FMN2: variants seen among roughly 807,000 people sequenced by gnomAD.
FMN2 encodes formin 2.
Under a neutral mutation model 142.3 loss-of-function variants are expected in FMN2, and 51 were observed. The observed-to-expected ratio is 0.36, with a 90% CI of 0.29 to 0.45. The LOEUF is 0.45. Ranked by LOEUF, FMN2 falls within the 20% of genes least tolerant of loss-of-function variation. The pLI is 1.00. For synonymous variants in FMN2, 882 were observed against 869.8 expected (o/e 1.01, Z -0.25); for missense variants, 1,936 against 2,122.8 (o/e 0.91, Z 1.73).
In FMN2 at chr1:240,159,974, T is replaced by TATATACACAC. The variant is rs1202421069; in HGVS notation, c.1783-17946_1783-17945insTATACACACA. Among the ~76,000 whole-genome samples, 533 of 134,036 alleles carry TATATACACAC rather than the reference T, an allele frequency of 4.0e-3. 6 individuals are homozygous for TATATACACAC. Among genetic ancestry groups the TATATACACAC allele is most frequent in the African/African-American group, 0.014 (496 of 35,462 alleles). 87.9% of individuals were successfully genotyped at this position (134,036 alleles called of 152,430 possible). On this transcript the variant is annotated intron_variant, in intron 2 of 17. Coordinates refer to ENST00000319653, the MANE Select transcript of FMN2 (RefSeq NM_020066.5). ...ATCTATATCTGTGTATATATATATATACACACACACACACACACACACACA... is the reference window on the plus strand; with the variant it reads ...ATCTATATCTGTGTATATATATATATATATACACACACACACACACACACACACACACACA...
chr1:240,266,422 A>T (rs1324922583), intron 7 of FMN2, among the ~76,000 whole-genome samples: 3 of 151,520 alleles, frequency 2.0e-5, no homozygotes, highest in African/African-American at 7.3e-5. Flanking sequence ...CTTTATTTTT[A>T]TTTTTGGATT....
intron 15 of FMN2, among the ~76,000 whole-genome samples, chr1:240,437,584 G>A (rs1675440678): frequency 2.6e-5 from 4 of 152,112 alleles, no homozygotes. Context: ...TTACAGGCGT[G>A]AGCCACCGCG....
intron 13 of FMN2, among the ~76,000 whole-genome samples, chr1:240,337,210 T>TTC (rs1558440605): frequency 1.4e-5 from 2 of 142,042 alleles, no homozygotes; most frequent in African/African-American, 5.7e-5. Flanking sequence ...TTTCTTTTTT[T>TTC]TTTTTTTTTT....
intron 15 of FMN2, among the ~76,000 whole-genome samples, chr1:240,425,202 G>GGGGA (rs1553377851): frequency 3.0e-5 from 1 of 33,674 alleles, no homozygotes; most frequent in African/African-American, 5.7e-5. Context: ...ATTTGAATGA[G>GGGGA]GTGAGAGAGA....
At chr1:240,462,061 G>A (rs1225838285) in intron 16 of FMN2, among the ~76,000 whole-genome samples, 2 of 152,114 alleles carry the variant, frequency 1.3e-5, no homozygotes, top group Non-Finnish European at 2.9e-5. Context: ...GAACATAACT[G>A]TATATAAAGT....
intron 15 of FMN2, among the ~76,000 whole-genome samples, chr1:240,405,611 T>A (rs1268478596): frequency 7.3e-6 from 1 of 137,536 alleles, no homozygotes; most frequent in African/African-American, 2.9e-5. Flanking sequence ...AGAGCAAAAC[T>A]CCGTCTCAAA....
At chr1:240,294,757 G>C (rs895989849) in intron 7 of FMN2, 65 bp from the exon 8 acceptor site, 15 of 1,480,154 alleles carry the variant, frequency 1.0e-5, no homozygotes, top group African/African-American at 1.4e-5. Context: ...CCTGCTGCCT[G>C]AGATGGTCAA....
At chr1:240,333,025 AC>A (rs1671431267) in intron 11 of FMN2, among the ~76,000 whole-genome samples, 1 of 152,186 alleles carries the variant, frequency 6.6e-6, no homozygotes, top group South Asian at 2.1e-4. Flanking sequence ...TGCTCTTTTT[AC>A]AAATATAGAA....
chr1:240,149,906 G>GT (rs199617960), intron 2 of FMN2, among the ~76,000 whole-genome samples: 208 of 151,974 alleles, frequency 1.4e-3, no homozygotes, highest in African/African-American at 4.5e-3. Flanking sequence ...TAGCATTTGT[G>GT]TTTTTTTTCC....
At chr1:240,215,584 A>G (rs940253470) in intron 6 of FMN2, among the ~76,000 whole-genome samples, 3 of 152,244 alleles carry the variant, frequency 2.0e-5, no homozygotes, top group East Asian at 1.9e-4. Flanking sequence ...AATGAATTAA[A>G]TACTTTAAAA....
At chr1:240,151,406 T>A (rs545791412) in intron 2 of FMN2, among the ~76,000 whole-genome samples, 2 of 152,216 alleles carry the variant, frequency 1.3e-5, no homozygotes, top group South Asian at 4.2e-4. Flanking sequence ...TTTTAGCTTT[T>A]CTTTCTGTGA....
At chr1:240,206,667 T>A (rs1043572251) in intron 4 of FMN2, 132 bp from the exon 5 acceptor site, 7 of 1,125,782 alleles carry the variant, frequency 6.2e-6, no homozygotes, top group Non-Finnish European at 8.7e-6. Context: ...CATAGAAATA[T>A]TAATACCATC....
intron 16 of FMN2, among the ~76,000 whole-genome samples, chr1:240,441,608 C>CTTT (rs371621331): frequency 0.012 from 1,463 of 125,084 alleles, 33 homozygotes; most frequent in African/African-American, 0.041. Context: ...GCATATTGGT[C>CTTT]TTTTTTTTTT....
At chr1:240,260,728 C>G (rs1190830848) in intron 7 of FMN2, among the ~76,000 whole-genome samples, 1 of 152,164 alleles carries the variant, frequency 6.6e-6, no homozygotes, top group African/African-American at 2.4e-5. Flanking sequence ...CTGACTATTC[C>G]TTTTGACACG....
intron 2 of FMN2, among the ~76,000 whole-genome samples, chr1:240,141,438 T>A (rs557698943): frequency 6.6e-6 from 1 of 152,156 alleles, no homozygotes; most frequent in South Asian, 2.1e-4. Flanking sequence ...TGCAAACTCC[T>A]CCCCCTGCAA....
chr1:240,271,893 T>C (rs1669031149), intron 7 of FMN2, among the ~76,000 whole-genome samples: 1 of 152,164 alleles, frequency 6.6e-6, no homozygotes, highest in African/African-American at 2.4e-5. Flanking sequence ...ATAATGTCTT[T>C]TACTACAAGT....
At chr1:240,357,925 C>T (rs369685322) in intron 14 of FMN2, among the ~76,000 whole-genome samples, 1 of 148,382 alleles carries the variant, frequency 6.7e-6, no homozygotes, top group African/African-American at 2.5e-5. Context: ...CTTTTAACCT[C>T]CTTGTTATGA....
chr1:240,363,887 G>A (rs762797821), intron 14 of FMN2, among the ~76,000 whole-genome samples: 2 of 152,110 alleles, frequency 1.3e-5, no homozygotes, highest in Non-Finnish European at 2.9e-5. Context: ...GGCTCAGGCT[G>A]CAGGAGCAAG....
intron 16 of FMN2, among the ~76,000 whole-genome samples, chr1:240,444,697 G>A (rs1365454813): frequency 6.6e-6 from 1 of 152,070 alleles, no homozygotes; most frequent in African/African-American, 2.4e-5. Context: ...TCCTTAGAAG[G>A]TTATGCGTTA....
Sources: allele counts gnomAD v4.1 joint callset (sites outside exome capture counted in the v4.1 genomes callset), GRCh38; gene constraint gnomAD v4.1.1; transcripts MANE v1.5; gene names NCBI Gene and HGNC (gene_info 2026-07-23, HGNC 2026-07-21).